CDK14: variants seen among roughly 807,000 people sequenced by gnomAD.
CDK14 encodes cyclin-dependent kinase 14.
A neutral mutation model predicts 60.7 loss-of-function variants in CDK14; 34 were observed. The ratio of observed to expected loss-of-function variants is 0.56; its 90% confidence interval spans 0.43 to 0.75. The LOEUF is 0.75. Among genes scored for constraint, CDK14 ranks in the 30% least tolerant of loss-of-function variants. The pLI is 0.00. For synonymous variants in CDK14, 197 were observed against 203.7 expected (o/e 0.97, Z 0.28); for missense variants, 482 against 564.1 (o/e 0.85, Z 1.47).
intron 5 of CDK14, among the ~76,000 whole-genome samples, chr7:90,842,729 G>A (rs181137463): frequency 3.3e-5 from 5 of 152,106 alleles, no homozygotes; most frequent in African/African-American, 7.2e-5. Context: ...TATAAAATAA[G>A]GTACTAAATT....
intron 7 of CDK14, among the ~76,000 whole-genome samples, chr7:90,910,843 G>A (rs1261190314): frequency 6.6e-6 from 1 of 152,152 alleles, no homozygotes; most frequent in Non-Finnish European, 1.5e-5. Context: ...GTAAAGGCAT[G>A]TCATGGGGGT....
intron 14 of CDK14, among the ~76,000 whole-genome samples, chr7:91,185,563 A>G (rs940044616): frequency 6.6e-6 from 1 of 152,010 alleles, no homozygotes; most frequent in African/African-American, 2.4e-5. Flanking sequence ...CATTGCCGTC[A>G]TTATTACATT....
chr7:90,902,716 A>G (rs966018196), intron 7 of CDK14, among the ~76,000 whole-genome samples: 16 of 152,138 alleles, frequency 1.1e-4, no homozygotes, highest in African/African-American at 3.6e-4. Context: ...TGACTAAAAC[A>G]GGCAACAAAA....
At chr7:90,985,246 C>G (rs802400) in intron 10 of CDK14, among the ~76,000 whole-genome samples, 111,152 of 152,108 alleles carry the variant, frequency 0.73, 40,744 homozygotes, top group East Asian at 0.77. Context: ...CTGGGCTTAT[C>G]ACCCTTCTCT....
At chr7:90,934,423 C>A (rs1793690497) in intron 8 of CDK14, among the ~76,000 whole-genome samples, 1 of 152,116 alleles carries the variant, frequency 6.6e-6, no homozygotes, top group African/African-American at 2.4e-5. Context: ...CCAAGGCTCA[C>A]AGCAACAACT....
At chr7:90,655,914 T>C (rs1013431221) in intron 2 of CDK14, among the ~76,000 whole-genome samples, 1 of 152,222 alleles carries the variant, frequency 6.6e-6, no homozygotes, top group Non-Finnish European at 1.5e-5. Context: ...CCAGAACATA[T>C]AAATTCCCAT....
At chr7:91,200,889 C>T (rs1417427712) in intron 14 of CDK14, among the ~76,000 whole-genome samples, 2 of 152,186 alleles carry the variant, frequency 1.3e-5, no homozygotes, top group Non-Finnish European at 2.9e-5. Flanking sequence ...TGTGACTGGA[C>T]AGGCACAAAA....
At chr7:90,853,128 A>G (rs185761126) in intron 5 of CDK14, among the ~76,000 whole-genome samples, 1 of 152,266 alleles carries the variant, frequency 6.6e-6, no homozygotes, top group African/African-American at 2.4e-5. Flanking sequence ...ACTGGTTCTA[A>G]GGTAATTTAC....
intron 10 of CDK14, among the ~76,000 whole-genome samples, chr7:91,038,693 C>G (rs763807541): frequency 6.6e-6 from 1 of 152,150 alleles, no homozygotes; most frequent in Non-Finnish European, 1.5e-5. Flanking sequence ...AATTGTAACT[C>G]CCACAATTCC....
intron 14 of CDK14, among the ~76,000 whole-genome samples, chr7:91,128,890 C>T (rs906994567): frequency 1.3e-5 from 2 of 152,162 alleles, no homozygotes; most frequent in African/African-American, 4.8e-5. Context: ...AATCCATCTC[C>T]TCTCCATTAA....
At chr7:90,985,581 T>A (rs1380441760) in intron 10 of CDK14, among the ~76,000 whole-genome samples, 1 of 152,164 alleles carries the variant, frequency 6.6e-6, no homozygotes, top group Non-Finnish European at 1.5e-5. Context: ...TAAATACAGC[T>A]ATCATATTAA....
intron 14 of CDK14, among the ~76,000 whole-genome samples, chr7:91,174,100 C>G (rs898905079): frequency 1.3e-5 from 2 of 152,030 alleles, no homozygotes; most frequent in South Asian, 2.1e-4. Context: ...CAGCATGCAG[C>G]TGGAGATCTG....
At chr7:90,915,097 C>T (rs891889064) in intron 7 of CDK14, among the ~76,000 whole-genome samples, 4 of 152,108 alleles carry the variant, frequency 2.6e-5, no homozygotes, top group African/African-American at 9.6e-5. Context: ...GAGGAGAGAC[C>T]TAGGAATGCA....
chr7:90,953,540 G>A (rs1224510543), intron 8 of CDK14, among the ~76,000 whole-genome samples: 2 of 152,144 alleles, frequency 1.3e-5, no homozygotes, highest in African/African-American at 4.8e-5. Flanking sequence ...GAAATTACAT[G>A]TGGTTATTTT....
intron 10 of CDK14, among the ~76,000 whole-genome samples, chr7:91,032,918 CTT>C (rs1458275213): frequency 2.0e-5 from 3 of 152,216 alleles, no homozygotes; most frequent in Non-Finnish European, 4.4e-5. Flanking sequence ...AATTCAATAA[CTT>C]TGTCGTATTT....
chr7:91,107,585 G>C (rs952786909), intron 12 of CDK14: 1 of 152,198 alleles, frequency 6.6e-6, no homozygotes, highest in Non-Finnish European at 1.5e-5. Flanking sequence ...AAATATTACT[G>C]TCATCATGTT....
chr7:90,702,430 ATCT>A, intron 2 of CDK14, among the ~76,000 whole-genome samples: 1 of 152,210 alleles, frequency 6.6e-6, no homozygotes, highest in African/African-American at 2.4e-5. Context: ...TCTATGATGA[ATCT>A]TCTTTAGCCA....
chr7:90,922,282 A>C (rs1398591191), intron 8 of CDK14, among the ~76,000 whole-genome samples: 2 of 152,230 alleles, frequency 1.3e-5, no homozygotes, highest in African/African-American at 4.8e-5. Flanking sequence ...CCAATGAAGC[A>C]TCAATCTACT....
intron 3 of CDK14, among the ~76,000 whole-genome samples, chr7:90,732,939 C>CA (rs1802931209): frequency 6.6e-6 from 1 of 150,832 alleles, no homozygotes; most frequent in African/African-American, 2.4e-5. Context: ...GTTAGGGTGT[C>CA]AATTTTAGAT....
Sources: allele counts gnomAD v4.1 joint callset (sites outside exome capture counted in the v4.1 genomes callset), GRCh38; gene constraint gnomAD v4.1.1; transcripts MANE v1.5; gene names NCBI Gene and HGNC (gene_info 2026-07-23, HGNC 2026-07-21).